The following B4GALT6 variants were observed in gnomAD, a reference collection of about 807,000 sequenced individuals.
B4GALT6 encodes UDP-Gal:beta-GlcNAc beta-1,4-galactosyltransferase 6.
In B4GALT6, 14 loss-of-function variants were observed where a neutral mutation model predicts 46.3. The observed-to-expected ratio is 0.30, with a 90% CI of 0.20 to 0.47. The LOEUF (loss-of-function observed/expected upper bound fraction) is 0.47. B4GALT6 is among the 20% of genes least tolerant of loss of function. B4GALT6 has a pLI of 0.99. For synonymous variants in B4GALT6, 168 were observed against 162.0 expected (o/e 1.04, Z -0.28); for missense variants, 386 against 480.1 (o/e 0.80, Z 1.83).
At chr18:31,709,610 T>C in the B4GALT6 span, among the ~76,000 whole-genome samples, 38 of 147,480 alleles carry the variant, frequency 2.6e-4, no homozygotes, top group African/African-American at 8.2e-4. Flanking sequence ...TGTGTATATA[T>C]ATATCCTTCT....
the B4GALT6 span, among the ~76,000 whole-genome samples, chr18:31,702,554 A>G: frequency 9.9e-5 from 15 of 152,214 alleles, no homozygotes; most frequent in African/African-American, 3.6e-4. Context: ...GGCAGCAAAT[A>G]GCACAGTCAT....
intron 1 of B4GALT6, among the ~76,000 whole-genome samples, chr18:31,668,557 T>C (rs2074309864): frequency 6.6e-6 from 1 of 152,214 alleles, no homozygotes; most frequent in Non-Finnish European, 1.5e-5. Context: ...TGTGGGTTTT[T>C]TGCCATCTAT....
chr18:31,649,523 T>C (rs1431712700), intron 3 of B4GALT6, among the ~76,000 whole-genome samples: 1 of 113,040 alleles, frequency 8.8e-6, no homozygotes, highest in African/African-American at 3.3e-5. Flanking sequence ...CCAGAATCTA[T>C]AAGGAATTTA....
At chr18:31,687,266 A>G (rs1474668926), upstream of B4GALT6, among the ~76,000 whole-genome samples, 3 of 152,242 alleles carry the variant, frequency 2.0e-5, no homozygotes, top group African/African-American at 2.4e-5. Context: ...AGGCTGGTAC[A>G]TGGTAAGCAC....
rs756210082 is a variant in B4GALT6 at position 31,684,351 on chromosome 18, A to T, written c.76T>A (p.Ser26Thr). Residue 26 changes from serine to threonine, a missense_variant, in exon 1 of 9, where the codon TCG (serine) becomes ACG (threonine). Ser to Thr is a moderately conservative substitution (Grantham distance 58). Coordinates refer to ENST00000306851, the MANE Select transcript of B4GALT6 (RefSeq NM_004775.5). ...LAFIFFFSLS[S>T]SCLYFIYVAP... ...ACATAGATGAAGTACAGACAGGACGAAGAGAGGGAGAAGAAGAAGATGAAG... is the reference window on the plus strand; with the variant it reads ...ACATAGATGAAGTACAGACAGGACGTAGAGAGGGAGAAGAAGAAGATGAAG... The T allele has an allele frequency of 3.7e-6, 6 of 1,613,794 alleles. No individual in the cohort carries two copies. In the South Asian group the frequency reaches 6.6e-5, roughly 18 times the overall value.
At chr18:31,651,961 G>A (rs545847929) in intron 3 of B4GALT6, among the ~76,000 whole-genome samples, 16 of 152,128 alleles carry the variant, frequency 1.1e-4, no homozygotes, top group East Asian at 1.9e-4. Flanking sequence ...TGGTAGAGAC[G>A]GGGTTTCACT....
intron 4 of B4GALT6, among the ~76,000 whole-genome samples, chr18:31,642,137 C>T (rs1171207696): frequency 6.6e-6 from 1 of 152,166 alleles, no homozygotes; most frequent in East Asian, 1.9e-4. Context: ...TTCCTTCCCA[C>T]CAATAGAATC....
chr18:31,632,290 G>A (rs1293932028), intron 5 of B4GALT6, among the ~76,000 whole-genome samples: 1 of 151,894 alleles, frequency 6.6e-6, no homozygotes, highest in Non-Finnish European at 1.5e-5. Context: ...TTTCACCAGT[G>A]AAATAAAATA....
chr18:31,715,618 T>C, the B4GALT6 span, among the ~76,000 whole-genome samples: 8 of 132,540 alleles, frequency 6.0e-5, no homozygotes, highest in Non-Finnish European at 1.2e-4. Context: ...TAGCACGATC[T>C]CAGCTCACTG....
rs1245035229 is a variant in B4GALT6, at chr18:31,632,236, T to A, written c.589-1090A>T. Among the ~76,000 whole-genome samples the A allele has an allele frequency of 3.9e-5, 6 of 152,322 alleles. 1 individual carries two copies. In the East Asian group the frequency reaches 1.2e-3, roughly 29 times the overall value. ...TAATTTTTAGTCCTAGGCCTTGCAC[T>A]AACTTGAGGTAATAGAAGTCATTTT... On this transcript the variant is annotated intron_variant, in intron 5 of 8. Coordinates refer to ENST00000306851, the MANE Select transcript of B4GALT6 (RefSeq NM_004775.5).
chr18:31,697,794 T>G, the B4GALT6 span, among the ~76,000 whole-genome samples: 5 of 152,158 alleles, frequency 3.3e-5, no homozygotes, highest in Non-Finnish European at 7.4e-5. Context: ...GGTTGATGGG[T>G]TTTTTTCCCC....
At chr18:31,722,038 T>G in the B4GALT6 span, among the ~76,000 whole-genome samples, 8 of 152,306 alleles carry the variant, frequency 5.3e-5, no homozygotes, top group Non-Finnish European at 1.2e-4. Context: ...GATGTACTCA[T>G]GCATAAGTGA....
intron 1 of B4GALT6, among the ~76,000 whole-genome samples, chr18:31,673,475 T>A (rs1347928323): frequency 6.6e-6 from 1 of 152,090 alleles, no homozygotes; most frequent in Non-Finnish European, 1.5e-5. Flanking sequence ...GACATCCTGG[T>A]GGTCAGCAAC....
At chr18:31,627,768 C>T (rs768368993) in intron 6 of B4GALT6, among the ~76,000 whole-genome samples, 9 of 152,288 alleles carry the variant, frequency 5.9e-5, no homozygotes, top group Middle Eastern at 3.4e-3. Flanking sequence ...ATGTGTCAAA[C>T]GATGCAATGT....
At chr18:31,683,717 C>G (rs777284736) in intron 1 of B4GALT6, among the ~76,000 whole-genome samples, 1 of 152,112 alleles carries the variant, frequency 6.6e-6, no homozygotes, top group Non-Finnish European at 1.5e-5. Flanking sequence ...GCAACGTACC[C>G]TTGAAAATAA....
chr18:31,661,214 A>C (rs889435138), intron 2 of B4GALT6, among the ~76,000 whole-genome samples: 1 of 152,222 alleles, frequency 6.6e-6, no homozygotes, highest in African/African-American at 2.4e-5. Flanking sequence ...ATTGTGACAT[A>C]ATTATATTGG....
intron 3 of B4GALT6, among the ~76,000 whole-genome samples, chr18:31,646,268 G>A (rs1272441492): frequency 6.6e-6 from 1 of 152,286 alleles, no homozygotes; most frequent in East Asian, 1.9e-4. Context: ...ACAAATATAT[G>A]ACATTACTGG....
In B4GALT6 at chr18:31,678,212, G is replaced by A. The variant is rs1488154885; in HGVS notation, c.115+6100C>T. On this transcript the variant is annotated intron_variant, in intron 1 of 8. Coordinates refer to ENST00000306851, the MANE Select transcript of B4GALT6 (RefSeq NM_004775.5). Reference sequence around the variant, plus strand: ...ATCCCAAACAAAGCACCCTCTCCAGGGTAATCACAGCTTTAAGAGGCGGTC... The same window carrying A: ...ATCCCAAACAAAGCACCCTCTCCAGAGTAATCACAGCTTTAAGAGGCGGTC... Among the ~76,000 whole-genome samples the A allele has an allele frequency of 4.6e-5, 7 of 152,010 alleles. 1 individual carries two copies. The highest frequency in any genetic ancestry group is 2.6e-4 in the Admixed American group (4 of 15,262).
At chr18:31,651,750 T>C (rs1055710865) in intron 3 of B4GALT6, among the ~76,000 whole-genome samples, 1 of 152,216 alleles carries the variant, frequency 6.6e-6, no homozygotes, top group South Asian at 2.1e-4. Context: ...TTCTCCCTCA[T>C]CCTTCCCAGT....
Sources: allele counts gnomAD v4.1 joint callset (sites outside exome capture counted in the v4.1 genomes callset), GRCh38; gene constraint gnomAD v4.1.1; transcripts MANE v1.5; gene names NCBI Gene and HGNC (gene_info 2026-07-23, HGNC 2026-07-21).